Variants in GALNT13 observed in about 807,000 individuals in gnomAD.
GALNT13 encodes polypeptide N-acetylgalactosaminyltransferase 13, also known as UDP-GalNAc:polypeptide N-acetylgalactosaminyltransferase 13.
In GALNT13, 28 loss-of-function variants were observed where a neutral mutation model predicts 64.2. The observed-to-expected ratio is 0.44, with a 90% CI of 0.32 to 0.60. The LOEUF (loss-of-function observed/expected upper bound fraction) is 0.60, where lower values mean the gene tolerates loss of function less well. Ranked by LOEUF, GALNT13 falls within the 20% of genes least tolerant of loss-of-function variation. GALNT13 has a pLI of 0.05. For missense variants in GALNT13, 577 were observed against 669.8 expected (o/e 0.86, Z 1.53); for synonymous variants, 214 against 224.6 (o/e 0.95, Z 0.42).
chr2:154,071,029 A>G (rs1028756894), intron 3 of GALNT13, among the ~76,000 whole-genome samples: 1 of 152,134 alleles, frequency 6.6e-6, no homozygotes, highest in Non-Finnish European at 1.5e-5. Context: ...AGGTTTTTCT[A>G]TAAGTTGGAT....
chr2:153,863,974 G>A, the GALNT13 span, among the ~76,000 whole-genome samples: 3 of 152,254 alleles, frequency 2.0e-5, no homozygotes, highest in East Asian at 1.9e-4. Flanking sequence ...AGAAGTACAC[G>A]GAAGTTACAA....
At chr2:154,064,018 C>G (rs1283207425) in intron 3 of GALNT13, among the ~76,000 whole-genome samples, 1 of 152,198 alleles carries the variant, frequency 6.6e-6, no homozygotes, top group Non-Finnish European at 1.5e-5. Flanking sequence ...GGACATCACT[C>G]TACCCCTATC....
the GALNT13 span, among the ~76,000 whole-genome samples, chr2:153,598,202 T>G: frequency 7.9e-5 from 12 of 152,226 alleles, no homozygotes; most frequent in African/African-American, 2.6e-4. Context: ...CTTCTGTAAA[T>G]TTTAGTATGA....
intron 8 of GALNT13, among the ~76,000 whole-genome samples, chr2:154,297,384 C>T (rs1220722025): frequency 6.6e-6 from 1 of 152,152 alleles, no homozygotes; most frequent in African/African-American, 2.4e-5. Flanking sequence ...CCTTCAATTA[C>T]TGCCTCACAT....
intron 3 of GALNT13, among the ~76,000 whole-genome samples, chr2:153,966,489 C>G (rs936864106): frequency 6.6e-6 from 1 of 151,716 alleles, no homozygotes; most frequent in African/African-American, 2.4e-5. Flanking sequence ...CCTCAGCCTC[C>G]CAAGTAGCTG....
At chr2:153,550,222 T>C in the GALNT13 span, among the ~76,000 whole-genome samples, 1 of 150,678 alleles carries the variant, frequency 6.6e-6, no homozygotes, top group South Asian at 2.1e-4. Flanking sequence ...AAAACAATCT[T>C]GGTAAATGAA....
the GALNT13 span, among the ~76,000 whole-genome samples, chr2:153,160,322 G>A: frequency 5.3e-5 from 8 of 152,330 alleles, no homozygotes; most frequent in South Asian, 1.2e-3. Flanking sequence ...GCATATTCCA[G>A]GAGCTTATTA....
At chr2:153,525,597 C>G in the GALNT13 span, among the ~76,000 whole-genome samples, 2 of 152,124 alleles carry the variant, frequency 1.3e-5, no homozygotes, top group Non-Finnish European at 2.9e-5. Context: ...ACTTCACATG[C>G]AAGGGATCCA....
intron 7 of GALNT13, among the ~76,000 whole-genome samples, chr2:154,252,876 G>A (rs567620539): frequency 6.6e-6 from 1 of 151,964 alleles, no homozygotes; most frequent in African/African-American, 2.4e-5. Context: ...ACTAGTTAGG[G>A]GTCCTTGAAC....
chr2:153,707,419 C>T, the GALNT13 span, among the ~76,000 whole-genome samples: 10 of 152,106 alleles, frequency 6.6e-5, no homozygotes, highest in Non-Finnish European at 1.3e-4. Flanking sequence ...ATGAAACATC[C>T]ATATTTACAA....
At chr2:153,538,406 T>A in the GALNT13 span, among the ~76,000 whole-genome samples, 6 of 142,096 alleles carry the variant, frequency 4.2e-5, no homozygotes, top group African/African-American at 1.6e-4. Context: ...ATTTTATTAT[T>A]ATACTTTAAG....
chr2:153,552,094 T>G, the GALNT13 span, among the ~76,000 whole-genome samples: 1 of 152,012 alleles, frequency 6.6e-6, no homozygotes, highest in East Asian at 1.9e-4. Flanking sequence ...TTCTGGTAGG[T>G]TGAGATGATG....
At chr2:153,811,072 C>T in the GALNT13 span, among the ~76,000 whole-genome samples, 1 of 152,012 alleles carries the variant, frequency 6.6e-6, no homozygotes, top group Non-Finnish European at 1.5e-5. Context: ...TAATTCAGTA[C>T]CCAGCACATA....
At chr2:153,947,962 G>C in intron 3 of GALNT13, among the ~76,000 whole-genome samples, 1 of 151,858 alleles carries the variant, frequency 6.6e-6, no homozygotes, top group Admixed American at 6.6e-5. Flanking sequence ...GCTTATTTTG[G>C]TCAGGTTTGT....
the GALNT13 span, among the ~76,000 whole-genome samples, chr2:153,783,822 T>G: frequency 1.3e-5 from 2 of 152,282 alleles, no homozygotes; most frequent in South Asian, 4.1e-4. Context: ...TGTGTTTGCT[T>G]CCCCTTCTAC....
At chr2:153,498,214 A>G in the GALNT13 span, among the ~76,000 whole-genome samples, 2 of 152,218 alleles carry the variant, frequency 1.3e-5, no homozygotes, top group South Asian at 4.1e-4. Context: ...CAACCTTTTT[A>G]AAAAATCTTT....
the GALNT13 span, among the ~76,000 whole-genome samples, chr2:153,078,248 CTT>C: frequency 6.7e-6 from 1 of 149,934 alleles, no homozygotes; most frequent in South Asian, 2.1e-4. Flanking sequence ...TTTCTATCAA[CTT>C]TGGGATTTTG....
chr2:153,574,129 G>T, the GALNT13 span, among the ~76,000 whole-genome samples: 1 of 140,462 alleles, frequency 7.1e-6, no homozygotes, highest in Non-Finnish European at 1.6e-5. Context: ...GTAAGGTAAA[G>T]TTTTTTTTTT....
intron 3 of GALNT13, among the ~76,000 whole-genome samples, chr2:154,125,965 C>T (rs1682236328): frequency 6.6e-6 from 1 of 152,110 alleles, no homozygotes; most frequent in Non-Finnish European, 1.5e-5. Flanking sequence ...AATACCTCAG[C>T]CTGGGGATCC....
Sources: gnomAD v4.1 joint callset for allele counts (sites outside exome capture counted in the v4.1 genomes callset) on GRCh38, gnomAD v4.1.1 for gene constraint, MANE v1.5 for transcripts, NCBI Gene and HGNC (gene_info 2026-07-23, HGNC 2026-07-21) for gene names.